The following KCNIP4 variants were observed in gnomAD, a reference collection of about 807,000 sequenced individuals.
The protein encoded by KCNIP4 is potassium voltage-gated channel interacting protein 4.
KCNIP4 carries 12 observed loss-of-function variants against 34.0 expected under a neutral mutation model. The ratio of observed to expected loss-of-function variants is 0.35; its 90% confidence interval spans 0.23 to 0.57. The LOEUF (loss-of-function observed/expected upper bound fraction) is 0.57, where lower values mean the gene tolerates loss of function less well. Ranked by LOEUF, KCNIP4 falls within the 20% of genes least tolerant of loss-of-function variation. KCNIP4 has a pLI of 0.83. For missense variants in KCNIP4, 238 were observed against 311.7 expected, an observed-to-expected ratio of 0.76 and a Z score of 1.78; for synonymous variants, 124 against 102.2, an observed-to-expected ratio of 1.21 and a Z score of -1.29.
chr4:21,811,004 T>A (rs1264312845), intron 1 of KCNIP4, among the ~76,000 whole-genome samples: 1 of 152,160 alleles, frequency 6.6e-6, no homozygotes, highest in African/African-American at 2.4e-5. Flanking sequence ...GCCAACATAT[T>A]CCATTCCCAC....
chr4:21,535,934 T>C (rs1161781449), intron 1 of KCNIP4, among the ~76,000 whole-genome samples: 2 of 151,982 alleles, frequency 1.3e-5, no homozygotes, highest in African/African-American at 4.8e-5. Flanking sequence ...GAAATCTGAG[T>C]CTCCAAATCA....
intron 1 of KCNIP4, among the ~76,000 whole-genome samples, chr4:21,178,954 A>G (rs993061572): frequency 6.6e-6 from 1 of 151,082 alleles, no homozygotes; most frequent in Non-Finnish European, 1.5e-5. Context: ...AGTGGCTGGG[A>G]CCACAGGTTG....
At chr4:21,051,339 T>C (rs1055288783) in intron 1 of KCNIP4, among the ~76,000 whole-genome samples, 6 of 152,226 alleles carry the variant, frequency 3.9e-5, no homozygotes, top group Non-Finnish European at 5.9e-5. Context: ...CTCTTTCCTG[T>C]AGTGGTATTT....
intron 1 of KCNIP4, among the ~76,000 whole-genome samples, chr4:21,180,078 T>C (rs1015071347): frequency 6.6e-6 from 1 of 152,164 alleles, no homozygotes; most frequent in Non-Finnish European, 1.5e-5. Context: ...TGAAGTACTC[T>C]CTCCGTTGAA....
chr4:20,791,390 T>C (rs1712737046), intron 3 of KCNIP4, among the ~76,000 whole-genome samples: 1 of 152,118 alleles, frequency 6.6e-6, no homozygotes, highest in Non-Finnish European at 1.5e-5. Context: ...CATGAGTAAA[T>C]AAAATATTTG....
Position 20,732,744 on chromosome 4 carries a change from AC to A in KCNIP4, c.578del (p.Gly193ValfsTer34). 1 of 1,612,788 alleles carries A rather than the reference AC, an allele frequency of 6.2e-7. No homozygotes were observed. ...DIMKAIYDMM[G>X]KCTYPVLKED... ...CTTTGAGGACAGGATATGTACATTT[AC>A]CCATCATATCGTATATTGCTTTCAT... On this transcript the variant is annotated frameshift_variant, in exon 7 of 9. Coordinates refer to ENST00000382152, the MANE Select transcript of KCNIP4 (RefSeq NM_025221.6). LOFTEE classifies it high-confidence loss of function.
chr4:20,965,269 C>T lies in KCNIP4; in HGVS notation c.62-82560G>A, dbSNP rs150985516. On this transcript the variant is annotated intron_variant, in intron 1 of 8. Coordinates refer to ENST00000382152, the MANE Select transcript of KCNIP4 (RefSeq NM_025221.6). Reference sequence around the variant, plus strand: ...AATAATACCCTTGCTATCTCAGAGCCTATATTGCTTTTGATACACTAGCAG... The same window carrying T: ...AATAATACCCTTGCTATCTCAGAGCTTATATTGCTTTTGATACACTAGCAG... 2.1e-3 allele frequency among the ~76,000 whole-genome samples: 315 copies of T among 152,230 alleles called. 1 individual carries two copies. Among genetic ancestry groups the T allele is most frequent in the African/African-American group, 7.1e-3 (296 of 41,548 alleles).
At chr4:20,898,695 C>A (rs1267184301) in intron 1 of KCNIP4, among the ~76,000 whole-genome samples, 1 of 152,156 alleles carries the variant, frequency 6.6e-6, no homozygotes, top group Non-Finnish European at 1.5e-5. Context: ...ATTGAAGAAA[C>A]TGAATAAATA....
chr4:21,928,668 T>C (rs1402933053), intron 1 of KCNIP4, among the ~76,000 whole-genome samples: 1 of 152,056 alleles, frequency 6.6e-6, no homozygotes, highest in Non-Finnish European at 1.5e-5. Context: ...AGAAATAGTA[T>C]CTATTTGGGA....
chr4:21,707,144 C>G (rs147693254), intron 1 of KCNIP4, among the ~76,000 whole-genome samples: 3 of 152,136 alleles, frequency 2.0e-5, no homozygotes, highest in Non-Finnish European at 2.9e-5. Flanking sequence ...ACAAACCATA[C>G]GATAAACATT....
At chr4:21,051,039 A>C (rs774407844) in intron 1 of KCNIP4, among the ~76,000 whole-genome samples, 6 of 152,080 alleles carry the variant, frequency 3.9e-5, no homozygotes, top group Non-Finnish European at 8.8e-5. Flanking sequence ...GGGATTTGGT[A>C]TTTCTCCCTC....
At chr4:21,619,248 A>C (rs1207903601) in intron 1 of KCNIP4, among the ~76,000 whole-genome samples, 2 of 152,248 alleles carry the variant, frequency 1.3e-5, no homozygotes, top group African/African-American at 4.8e-5. Context: ...TCACAAATTA[A>C]AATAGAAAAC....
intron 1 of KCNIP4, among the ~76,000 whole-genome samples, chr4:21,014,243 C>T (rs891425840): frequency 2.6e-5 from 4 of 152,148 alleles, no homozygotes; most frequent in Admixed American, 6.5e-5. Context: ...ACAAGACCAC[C>T]ACATGCCCCA....
intron 5 of KCNIP4, among the ~76,000 whole-genome samples, chr4:20,744,547 C>G (rs922407667): frequency 1.3e-5 from 2 of 151,208 alleles, no homozygotes; most frequent in Admixed American, 1.3e-4. Flanking sequence ...TGTTCTCACT[C>G]ATAGGTGGGA....
rs1368988392 is a variant in KCNIP4, at chr4:20,732,798, A to T, written c.538-13T>A. 6.6e-7 allele frequency: 1 copy of T among 1,512,270 alleles called. No homozygotes were observed. The highest frequency in any genetic ancestry group is 9.2e-7 in the Non-Finnish European group (1 of 1,088,828). 93.7% of individuals were successfully genotyped at this position (1,512,270 alleles called of 1,614,324 possible). On this transcript the variant is annotated splice_polypyrimidine_tract_variant and intron_variant, in intron 6 of 8. Coordinates refer to ENST00000382152, the MANE Select transcript of KCNIP4 (RefSeq NM_025221.6). Reference sequence around the variant, plus strand: ...TATCAAGCATTTCCTGAAAAATAAAAGGCACTCACGTGAGGCTGCACACAT... The same window carrying T: ...TATCAAGCATTTCCTGAAAAATAAATGGCACTCACGTGAGGCTGCACACAT...
intron 1 of KCNIP4, among the ~76,000 whole-genome samples, chr4:21,403,710 T>G (rs1723732617): frequency 6.6e-6 from 1 of 152,186 alleles, no homozygotes; most frequent in Non-Finnish European, 1.5e-5. Flanking sequence ...CTCACATTTC[T>G]AGAGGCCAGG....
At chr4:20,947,421 G>A (rs141099994) in intron 1 of KCNIP4, among the ~76,000 whole-genome samples, 2,218 of 152,092 alleles carry the variant, frequency 0.015, 28 homozygotes, top group Non-Finnish European at 0.023. Context: ...CACCTGCCTC[G>A]GCCTCCCAAA....
At chr4:21,565,532 A>G (rs1188384005) in intron 1 of KCNIP4, among the ~76,000 whole-genome samples, 2 of 152,096 alleles carry the variant, frequency 1.3e-5, no homozygotes, top group African/African-American at 4.8e-5. Flanking sequence ...TTAGCCTCAA[A>G]CCTGGCATAT....
intron 3 of KCNIP4, among the ~76,000 whole-genome samples, chr4:20,796,517 C>T (rs1261826460): frequency 1.3e-5 from 2 of 152,014 alleles, no homozygotes. Context: ...CTGACTCTGC[C>T]TAACTCTTCA....
Sources: gnomAD v4.1 joint callset for allele counts (sites outside exome capture counted in the v4.1 genomes callset) on GRCh38, gnomAD v4.1.1 for gene constraint, MANE v1.5 for transcripts, NCBI Gene and HGNC (gene_info 2026-07-23, HGNC 2026-07-21) for gene names.